The following OSBPL7 variants were observed in gnomAD, a reference collection of about 807,000 sequenced individuals.
The protein encoded by OSBPL7 is oxysterol-binding protein-related protein 7.
A neutral mutation model predicts 115.8 loss-of-function variants in OSBPL7; 66 were observed. The ratio of observed to expected loss-of-function variants is 0.57; its 90% CI spans 0.47 to 0.70. OSBPL7 has a LOEUF of 0.70. Among genes scored for constraint, OSBPL7 ranks in the 30% least tolerant of loss-of-function variants. OSBPL7 has a pLI of 0.00. For missense variants in OSBPL7, 902 were observed against 1,125.5 expected, an observed-to-expected ratio of 0.80 and a Z score of 2.84; for synonymous variants, 441 against 439.2, an observed-to-expected ratio of 1.00 and a Z score of -0.05.
rs761987869 is a variant in OSBPL7, at chr17:47,816,438, G to A, written c.973C>T (p.Arg325Trp). Residue 325 changes from arginine (R) to tryptophan (W), a missense_variant, in exon 11 of 23, where the codon CGG (arginine) becomes TGG (tryptophan). By Grantham distance (101) the Arg-to-Trp change is moderately radical. Transcript: ENST00000007414. The surrounding 1 kb of genome is among the most constrained non-coding windows in gnomAD (Gnocchi z 5.8). ...SSVLAALTME[R>W]DQLRDMHQGS... ...TGGTGCATGTCCCTCAGTTGGTCCC[G>A]TTCCATGGTGAGGGCGGCCAGGACG... The A allele has an allele frequency of 2.9e-5, 45 of 1,545,400 alleles. No homozygotes were observed. Among genetic ancestry groups the A allele is most frequent in the Admixed American group, 5.9e-5 (3 of 50,462 alleles).
chr17:47,812,118 G>T (rs1450687570), intron 16 of OSBPL7, among the ~76,000 whole-genome samples: 1 of 152,096 alleles, frequency 6.6e-6, no homozygotes, highest in Non-Finnish European at 1.5e-5. Context: ...TGTCCCTCAT[G>T]GTAAAATTTT....
rs763820323 is a variant in OSBPL7 at position 47,813,736 on chromosome 17, G to A, written c.1450C>T (p.Arg484Cys). The change falls in exon 15 of 23, where the codon CGC becomes TGC. Residue 484 changes from arginine to cysteine, a missense_variant. Around this residue, in one of 3 missense-constraint regions of OSBPL7, gnomAD observed 667 missense variants for 788.7 expected, o/e 0.85. Transcript: ENST00000007414. ...GADVSLWNIL[R>C]NNIGKDLSKV... ...GACAGGTCTTTGCCGATGTTGTTGC[G>A]CAGAATGTTCCACAGGCTCACGTCA... 16 of 1,613,332 alleles carry A rather than the reference G, an allele frequency of 9.9e-6. No homozygotes were observed. In the African/African-American group the frequency reaches 1.1e-4, roughly 11 times the overall value.
At chr17:47,812,091 G>T (rs771866101) in intron 16 of OSBPL7, among the ~76,000 whole-genome samples, 11 of 152,106 alleles carry the variant, frequency 7.2e-5, no homozygotes, top group Non-Finnish European at 1.0e-4. Flanking sequence ...CCCACCAACT[G>T]CCACTTCTCT....
At chr17:47,811,079 G>A (rs538759295) in intron 16 of OSBPL7, among the ~76,000 whole-genome samples, 2 of 152,038 alleles carry the variant, frequency 1.3e-5, no homozygotes, top group East Asian at 1.9e-4. Context: ...TGTCTATGGC[G>A]TCCTCCAGAA....
chr17:47,817,235 G>T, intron 8 of OSBPL7, 21 bp downstream of exon 8: 3 of 1,563,072 alleles, frequency 1.9e-6, no homozygotes, highest in South Asian at 2.3e-5. Context: ...GCAGGACCCT[G>T]TGTGTACCCC....
At chr17:47,818,843 G>A (rs944080846) in intron 5 of OSBPL7, 143 bp downstream of exon 5, 2 of 839,426 alleles carry the variant, frequency 2.4e-6, no homozygotes, top group Non-Finnish European at 3.8e-6. Flanking sequence ...GCCCTTGGCT[G>A]TTTTTACAGG....
intron 1 of OSBPL7, 109 bp from the exon 2 acceptor site, chr17:47,820,474 C>T (rs901348805): frequency 2.6e-4 from 155 of 585,784 alleles, no homozygotes; most frequent in Admixed American, 2.2e-4. Context: ...ACCCTCTGCT[C>T]ACCTGCCAAG....
intron 13 of OSBPL7, 196 bp from the exon 14 acceptor site, chr17:47,814,810 G>A: frequency 3.3e-6 from 2 of 601,556 alleles, no homozygotes; most frequent in South Asian, 4.1e-5. Flanking sequence ...ACCTTGGGAA[G>A]GGGAGGGCCG....
intron 4 of OSBPL7, 69 bp from the exon 5 acceptor site, chr17:47,819,168 C>T: frequency 7.6e-7 from 1 of 1,310,896 alleles, no homozygotes; most frequent in Non-Finnish European, 1.1e-6. Flanking sequence ...GAGCCACCAT[C>T]TCCCTGATGC....
chr17:47,819,704 A>T, intron 4 of OSBPL7, 25 bp downstream of exon 4: 1 of 1,613,722 alleles, frequency 6.2e-7, no homozygotes, highest in Non-Finnish European at 8.5e-7. Context: ...TCCTCCCACA[A>T]CCCCAAGCCA....
intron 18 of OSBPL7, among the ~76,000 whole-genome samples, chr17:47,809,906 CT>C (rs749735132): frequency 3.9e-4 from 50 of 127,364 alleles, no homozygotes; most frequent in East Asian, 1.3e-3. Context: ...CTTTTCTTTT[CT>C]TTTCTTTTTT....
In OSBPL7 at chr17:47,808,091, C is replaced by G. The variant is rs1598009303; in HGVS notation, c.*200G>C. The G allele has an allele frequency of 1.7e-6, 1 of 589,338 alleles. No individual in the cohort carries two copies. The highest frequency in any genetic ancestry group is 3.0e-6 in the Non-Finnish European group (1 of 329,972). 36.5% of individuals were successfully genotyped at this position (589,338 alleles called of 1,614,324 possible). A position where few individuals can be genotyped will look rare whatever the true frequency, so the allele number is the denominator to read the frequency against. ...CAAGGAGACTGGGGAAGCACAGATT[C>G]TGCTTCTCACCCCAAACGGTGGGGT... On this transcript the variant is annotated 3_prime_UTR_variant, in exon 23 of 23. Coordinates refer to ENST00000007414, the MANE Select transcript of OSBPL7 (RefSeq NM_145798.3). This position sits in a 1 kb window ranked among gnomAD's most constrained non-coding sequence, Gnocchi z 6.1.
rs1235926709 is a variant in OSBPL7 at position 47,809,066 on chromosome 17, C to G, written c.2170+10G>C. Reference sequence around the variant, plus strand: ...AGCCTCACCCAGCCCTCTGTGACCCCTCCACTTACTGGGTTTCCAGATGCA... The same window carrying G: ...AGCCTCACCCAGCCCTCTGTGACCCGTCCACTTACTGGGTTTCCAGATGCA... On this transcript the variant is annotated intron_variant, in intron 20 of 22. Coordinates refer to ENST00000007414, the MANE Select transcript of OSBPL7 (RefSeq NM_145798.3). 2 of 1,613,946 alleles carry G rather than the reference C, an allele frequency of 1.2e-6. No individual in the cohort carries two copies. The highest frequency in any genetic ancestry group is 8.5e-7 in the Non-Finnish European group (1 of 1,180,038).
intron 12 of OSBPL7, 163 bp from the exon 13 acceptor site, chr17:47,815,515 G>A: frequency 1.2e-6 from 1 of 842,368 alleles, no homozygotes; most frequent in Non-Finnish European, 1.8e-6. Flanking sequence ...GTGAGAGCGG[G>A]ACAAAGGCAT....
intron 18 of OSBPL7, 118 bp from the exon 19 acceptor site, chr17:47,809,596 A>G: frequency 8.4e-7 from 1 of 1,184,802 alleles, no homozygotes; most frequent in Non-Finnish European, 1.2e-6. Flanking sequence ...CTGGGGTCCC[A>G]ACTCCAGTTC....
At chr17:47,819,912 G>T in intron 3 of OSBPL7, 59 bp downstream of exon 3, 3 of 1,485,442 alleles carry the variant, frequency 2.0e-6, no homozygotes, top group Non-Finnish European at 2.8e-6. Flanking sequence ...CCCAGCAGCT[G>T]CCCCCCATTC....
Position 47,819,070 on chromosome 17 carries a change from G to T in OSBPL7, c.285C>A (p.Ile95=). 6.2e-7 allele frequency: 1 copy of T among 1,614,084 alleles called. No homozygotes were observed. ...DITKGKLHGS[I]DVRLSVMSIN... is the part of the protein sequence containing the mutation. ...TGGACATGACCGACAGCCGGACATC[G>T]ATGGAGCCATGGAGCTTCCCCTTGG... Residue 95 remains isoleucine, a synonymous_variant, in exon 5 of 23, where the codon ATC becomes ATA. Transcript: ENST00000007414.
In OSBPL7 at chr17:47,819,069, C is replaced by G; in HGVS notation, c.286G>C (p.Asp96His). ...ATGGACATGACCGACAGCCGGACATCGATGGAGCCATGGAGCTTCCCCTTG... is the reference window on the plus strand; with the variant it reads ...ATGGACATGACCGACAGCCGGACATGGATGGAGCCATGGAGCTTCCCCTTG... Reference protein sequence around the residue: ...ITKGKLHGSIDVRLSVMSINK... With the variant: ...ITKGKLHGSIHVRLSVMSINK... Residue 96 changes from aspartate (D) to histidine (H), a missense_variant, in exon 5 of 23, where the codon GAT (aspartate) becomes CAT (histidine). Physicochemically the swap from Asp to His is moderately conservative, Grantham distance 81 (BLOSUM62 -1). Around this residue, in one of 3 missense-constraint regions of OSBPL7, gnomAD observed 667 missense variants for 788.7 expected, o/e 0.85. Transcript: ENST00000007414. The G allele has an allele frequency of 6.2e-7, 1 of 1,614,062 alleles. No individual in the cohort carries two copies. The highest frequency in any genetic ancestry group is 8.5e-7 in the Non-Finnish European group (1 of 1,179,990).
At chr17:47,814,493 C>A in intron 14 of OSBPL7, 28 bp downstream of exon 14, 1 of 1,469,104 alleles carries the variant, frequency 6.8e-7, no homozygotes, top group South Asian at 1.1e-5. Context: ...GCCTCCCACC[C>A]CTCCCTGCCT....
Sources: allele counts gnomAD v4.1 joint callset (sites outside exome capture counted in the v4.1 genomes callset), GRCh38; gene constraint gnomAD v4.1.1; regional missense constraint gnomAD v4.1.1; non-coding constraint Gnocchi (gnomAD v3.1); transcripts MANE v1.5; gene names NCBI Gene and HGNC (gene_info 2026-07-23, HGNC 2026-07-21).